The following DNAH14 variants were observed in gnomAD, a reference collection of about 807,000 sequenced individuals.
DNAH14 encodes the protein dynein axonemal heavy chain 14, also known as axonemal beta dynein heavy chain 14.
DNAH14 carries 478 observed loss-of-function variants against 520.9 expected under a neutral mutation model. The observed-to-expected ratio is 0.92, with a 90% CI of 0.85 to 0.99. The LOEUF is 0.99. Ranked by LOEUF, DNAH14 falls within the 50% of genes least tolerant of loss-of-function variation. DNAH14 has a pLI of 0.00. For synonymous variants in DNAH14, 1,581 were observed against 1,757.2 expected (o/e 0.90, Z 2.51); for missense variants, 4,831 against 5,234.5 (o/e 0.92, Z 2.38).
chr1:225,144,591 G>A lies in DNAH14; in HGVS notation c.4703G>A (p.Gly1568Asp). The change falls in exon 29 of 86, where the codon GGT becomes GAT. Residue 1568 changes from glycine to aspartate, a missense_variant. Gly to Asp is a moderately conservative substitution (Grantham distance 94). Coordinates refer to ENST00000682510, the MANE Select transcript of DNAH14 (RefSeq NM_001367479.1). The part of the protein sequence containing the change: ...NLGGCPAGPA[G>D]TGKTETVKDL... The stretch of plus-strand genomic sequence containing the variant: ...GGAGGCTGTCCTGCCGGTCCAGCTG[G>A]TACAGGAAAAACTGAGACTGTCAAA... 1 of 1,551,428 alleles carries A rather than the reference G, an allele frequency of 6.4e-7. No individual in the cohort carries two copies. Among genetic ancestry groups the A allele is most frequent in the Non-Finnish European group, 8.7e-7 (1 of 1,146,936 alleles).
chr1:225,137,126 C>T (rs888564369), intron 27 of DNAH14, among the ~76,000 whole-genome samples: 7 of 152,164 alleles, frequency 4.6e-5, no homozygotes, highest in African/African-American at 7.2e-5. Flanking sequence ...TTAGTTATTA[C>T]CCACCTTCTG....
chr1:225,314,527 A>G (rs1443128714), intron 60 of DNAH14, among the ~76,000 whole-genome samples: 1 of 152,208 alleles, frequency 6.6e-6, no homozygotes, highest in Non-Finnish European at 1.5e-5. Flanking sequence ...GTTTCTTCAT[A>G]GTGTTAATGG....
chr1:225,389,014 T>G (rs2095873336), intron 82 of DNAH14, among the ~76,000 whole-genome samples: 1 of 152,216 alleles, frequency 6.6e-6, no homozygotes, highest in Admixed American at 6.5e-5. Flanking sequence ...TGCCTTGGCC[T>G]CCCAAAGTGC....
At chr1:225,164,473 G>A (rs963683190) in intron 35 of DNAH14, among the ~76,000 whole-genome samples, 5 of 151,984 alleles carry the variant, frequency 3.3e-5, no homozygotes, top group Non-Finnish European at 7.4e-5. Flanking sequence ...TATCTGTCCT[G>A]TATTTACTGA....
chr1:225,095,496 T>A (rs1399112958), intron 21 of DNAH14, among the ~76,000 whole-genome samples: 1 of 152,094 alleles, frequency 6.6e-6, no homozygotes, highest in Non-Finnish European at 1.5e-5. Context: ...CGGGGCGTAC[T>A]TGAAGGTGGA....
At position 225,398,661 on chromosome 1, in the gene DNAH14, AC is replaced by A; in HGVS notation, c.13634del (p.Thr4545LysfsTer45). The A allele has an allele frequency of 6.4e-7, 1 of 1,551,676 alleles. No individual in the cohort carries two copies. The highest frequency in any genetic ancestry group is 1.2e-5 in the South Asian group (1 of 84,064). Reference protein sequence around the residue: ...CDFPDIYFLPTKISTKTPNAS... With the variant: ...CDFPDIYFLPXKISTKTPNAS... ...TTTTCCCGACATATACTTTTTGCCAACAAAGGTAATCACCCTGCTATTATCC... is the reference window on the plus strand; with the variant it reads ...TTTTCCCGACATATACTTTTTGCCAAAAAGGTAATCACCCTGCTATTATCC... On this transcript the variant is annotated frameshift_variant, in exon 85 of 86. Coordinates refer to ENST00000682510, the MANE Select transcript of DNAH14 (RefSeq NM_001367479.1). LOFTEE classifies it low-confidence loss of function (END_TRUNC).
intron 17 of DNAH14, among the ~76,000 whole-genome samples, chr1:225,064,583 T>TG (rs1553420884): frequency 2.0e-5 from 3 of 151,180 alleles, no homozygotes; most frequent in Non-Finnish European, 4.4e-5. Context: ...TATGCAGCAT[T>TG]AAAAAAAAGA....
At chr1:225,339,157 A>T (rs1262302606) in intron 68 of DNAH14, among the ~76,000 whole-genome samples, 1 of 151,192 alleles carries the variant, frequency 6.6e-6, no homozygotes, top group South Asian at 2.1e-4. Flanking sequence ...AAAAAAAAAA[A>T]AAAATTAGCC....
chr1:225,258,123 T>TA lies in DNAH14; in HGVS notation c.7024+6dup. ...CCTGCCCTGTACTTCTCACAGGTATTACAAATATTTAATAGAAGGAGAATT... is the reference window on the plus strand; with the variant it reads ...CCTGCCCTGTACTTCTCACAGGTATTAACAAATATTTAATAGAAGGAGAATT... On this transcript the variant is annotated splice_donor_region_variant and intron_variant, in intron 45 of 85. Transcript: ENST00000682510. 1 of 1,486,538 alleles carries TA rather than the reference T, an allele frequency of 6.7e-7. No homozygotes were observed. The highest frequency in any genetic ancestry group is 8.9e-7 in the Non-Finnish European group (1 of 1,122,478). 92.1% of individuals were successfully genotyped at this position (1,486,538 alleles called of 1,614,324 possible). A position where few individuals can be genotyped will look rare whatever the true frequency, so the allele number is the denominator to read the frequency against.
At chr1:225,202,529 C>T (rs1214990132) in intron 38 of DNAH14, among the ~76,000 whole-genome samples, 2 of 152,128 alleles carry the variant, frequency 1.3e-5, no homozygotes, top group African/African-American at 4.8e-5. Context: ...GGGCTAGTCT[C>T]ACTCCCACTG....
chr1:225,134,907 T>G (rs2078820125), intron 27 of DNAH14, among the ~76,000 whole-genome samples: 1 of 152,134 alleles, frequency 6.6e-6, no homozygotes, highest in African/African-American at 2.4e-5. Flanking sequence ...CACAACTCAT[T>G]ATTGGTCTAT....
chr1:225,343,268 G>A (rs2095229155), intron 69 of DNAH14, among the ~76,000 whole-genome samples: 1 of 152,126 alleles, frequency 6.6e-6, no homozygotes, highest in Admixed American at 6.5e-5. Flanking sequence ...ACACTGACTT[G>A]TTCAGCATGT....
intron 41 of DNAH14, among the ~76,000 whole-genome samples, chr1:225,215,728 T>C (rs1440994448): frequency 1.3e-5 from 2 of 152,214 alleles, no homozygotes; most frequent in Non-Finnish European, 2.9e-5. Flanking sequence ...CCTGCCTTTT[T>C]TTAACTTTCC....
intron 42 of DNAH14, 40 bp downstream of exon 42, chr1:225,231,191 T>G (rs1468343524): frequency 2.1e-6 from 3 of 1,409,308 alleles, no homozygotes; most frequent in Non-Finnish European, 2.9e-6. Flanking sequence ...TTAATAACCA[T>G]TAGGTGCCAG....
chr1:225,007,564 A>T lies in DNAH14; in HGVS notation c.1107+20A>T, dbSNP rs764339083. 4.7e-6 allele frequency: 7 copies of T among 1,479,398 alleles called. No individual in the cohort carries two copies. The highest frequency in any genetic ancestry group is 6.3e-6 in the Non-Finnish European group (7 of 1,108,636). 91.6% of individuals were successfully genotyped at this position (1,479,398 alleles called of 1,614,324 possible). On this transcript the variant is annotated intron_variant, in intron 10 of 85. Coordinates refer to ENST00000682510, the MANE Select transcript of DNAH14 (RefSeq NM_001367479.1). Reference sequence around the variant, plus strand: ...CTAAAGGTAATTCTTTAATTATATCATATTTATCAAAGTTGCAATTTACTA... The same window carrying T: ...CTAAAGGTAATTCTTTAATTATATCTTATTTATCAAAGTTGCAATTTACTA...
chr1:225,058,741 C>T lies in DNAH14; in HGVS notation c.2424+6946C>T, dbSNP rs577504684. ...TTCTGGTATGTTATGTCTTTGTTCT[C>T]GTTGGTTTCAAAGAACATCTTTATT... On this transcript the variant is annotated intron_variant, in intron 17 of 85. Coordinates refer to ENST00000682510, the MANE Select transcript of DNAH14 (RefSeq NM_001367479.1). 2.1e-3 allele frequency among the ~76,000 whole-genome samples: 315 copies of T among 152,134 alleles called. 1 individual carries two copies. The highest frequency in any genetic ancestry group is 7.3e-3 in the African/African-American group (301 of 41,496).
intron 31 of DNAH14, among the ~76,000 whole-genome samples, chr1:225,151,435 T>C (rs1031321834): frequency 6.6e-6 from 1 of 152,164 alleles, no homozygotes; most frequent in Admixed American, 6.5e-5. Flanking sequence ...TTTGTCCCAA[T>C]TGTTTTCCTG....
At chr1:225,217,794 G>A (rs771579231) in intron 41 of DNAH14, among the ~76,000 whole-genome samples, 21 of 152,134 alleles carry the variant, frequency 1.4e-4, no homozygotes, top group African/African-American at 3.1e-4. Flanking sequence ...TCCAGGTACC[G>A]TCTGTCACGG....
chr1:225,327,258 C>G (rs373745611), intron 64 of DNAH14, among the ~76,000 whole-genome samples: 3 of 151,804 alleles, frequency 2.0e-5, no homozygotes, highest in African/African-American at 7.3e-5. Flanking sequence ...CCCGGGTTCA[C>G]GCCATTCTCC....
Sources: allele counts gnomAD v4.1 joint callset (sites outside exome capture counted in the v4.1 genomes callset), GRCh38; gene constraint gnomAD v4.1.1; transcripts MANE v1.5; gene names NCBI Gene and HGNC (gene_info 2026-07-23, HGNC 2026-07-21).